PTPRT: variants seen among roughly 807,000 people sequenced by gnomAD.
PTPRT encodes protein tyrosine phosphatase receptor type T.
In PTPRT, 56 loss-of-function variants were observed where a neutral mutation model predicts 176.8. The ratio of observed to expected loss-of-function variants is 0.32; its 90% CI spans 0.26 to 0.40. PTPRT has a LOEUF of 0.40. PTPRT is among the 10% of genes least tolerant of loss of function. PTPRT has a pLI of 1.00. For synonymous variants in PTPRT, 783 were observed against 739.0 expected (o/e 1.06, Z -0.96); for missense variants, 1,540 against 1,908.2 (o/e 0.81, Z 3.60).
intron 9 of PTPRT, among the ~76,000 whole-genome samples, chr20:42,421,452 C>T (rs185121719): frequency 1.2e-4 from 19 of 152,120 alleles, no homozygotes; most frequent in East Asian, 7.8e-4. Flanking sequence ...AACCAGGAGA[C>T]GTTGACAGTC....
intron 1 of PTPRT, among the ~76,000 whole-genome samples, chr20:42,949,465 G>A (rs751815710): frequency 2.6e-5 from 4 of 152,224 alleles, no homozygotes; most frequent in African/African-American, 4.8e-5. Context: ...CAGCCCTGGT[G>A]CTAGTCATGT....
At chr20:42,522,834 G>C (rs1037841858) in intron 7 of PTPRT, among the ~76,000 whole-genome samples, 4 of 152,044 alleles carry the variant, frequency 2.6e-5, no homozygotes, top group African/African-American at 4.8e-5. Context: ...ATATGAAATT[G>C]GTTTCCCTGA....
chr20:42,530,991 C>G (rs1358889863), intron 7 of PTPRT, among the ~76,000 whole-genome samples: 3 of 152,212 alleles, frequency 2.0e-5, no homozygotes, highest in South Asian at 4.1e-4. Context: ...GAGAAGCAAA[C>G]GACATCATCC....
At chr20:42,072,718 T>A (rs1982413316), downstream of PTPRT, 1 of 196,066 alleles carries the variant, frequency 5.1e-6, no homozygotes, top group African/African-American at 2.3e-5. Context: ...CCCCACCTCA[T>A]CCCTACCCAA....
At chr20:42,365,157 T>G (rs1435803499) in intron 9 of PTPRT, among the ~76,000 whole-genome samples, 1 of 152,216 alleles carries the variant, frequency 6.6e-6, no homozygotes, top group African/African-American at 2.4e-5. Flanking sequence ...ATTGAGGATA[T>G]TTTACATTCT....
intron 8 of PTPRT, among the ~76,000 whole-genome samples, chr20:42,470,027 A>T (rs2071166286): frequency 1.3e-5 from 2 of 152,176 alleles, no homozygotes; most frequent in Admixed American, 6.5e-5. Flanking sequence ...GAAAGAAGAA[A>T]ATGAAAATGA....
intron 8 of PTPRT, among the ~76,000 whole-genome samples, chr20:42,454,147 CTCA>C (rs2070881083): frequency 6.6e-6 from 1 of 152,010 alleles, no homozygotes; most frequent in African/African-American, 2.4e-5. Flanking sequence ...GCGTTTGTCA[CTCA>C]TCATTTTCAG....
At chr20:42,086,726 C>CAAAAAAAA (rs367948746) in intron 27 of PTPRT, among the ~76,000 whole-genome samples, 4 of 82,240 alleles carry the variant, frequency 4.9e-5, no homozygotes, top group African/African-American at 1.9e-4. Context: ...GACTCCATCT[C>CAAAAAAAA]AAAAAAAAAA....
intron 8 of PTPRT, among the ~76,000 whole-genome samples, chr20:42,460,284 A>G: frequency 6.6e-6 from 1 of 152,312 alleles, no homozygotes; most frequent in South Asian, 2.1e-4. Context: ...TCAGCAAACT[A>G]TGGCTCTTGG....
chr20:42,560,410 G>T (rs1045139720), intron 7 of PTPRT, among the ~76,000 whole-genome samples: 4 of 152,154 alleles, frequency 2.6e-5, no homozygotes, highest in African/African-American at 7.2e-5. Flanking sequence ...TGTTTGTGAT[G>T]GAGGGTCATC....
intron 15 of PTPRT, among the ~76,000 whole-genome samples, chr20:42,231,251 C>T (rs1448693076): frequency 6.6e-6 from 1 of 152,204 alleles, no homozygotes; most frequent in African/African-American, 2.4e-5. Context: ...GTGCTCCAAG[C>T]ACGTGGTCCA....
At chr20:42,988,167 T>A (rs188861134) in intron 1 of PTPRT, among the ~76,000 whole-genome samples, 1 of 152,282 alleles carries the variant, frequency 6.6e-6, no homozygotes, top group East Asian at 1.9e-4. Context: ...TGTGTCCTGT[T>A]TATCACTGTG....
At chr20:42,814,632 G>A (rs1569171391) in intron 2 of PTPRT, among the ~76,000 whole-genome samples, 1 of 152,140 alleles carries the variant, frequency 6.6e-6, no homozygotes, top group Non-Finnish European at 1.5e-5. Flanking sequence ...TTTTATAAAG[G>A]AAGCAAATGT....
chr20:42,254,823 C>G (rs1298992247), intron 13 of PTPRT, among the ~76,000 whole-genome samples: 1 of 152,166 alleles, frequency 6.6e-6, no homozygotes, highest in Non-Finnish European at 1.5e-5. Flanking sequence ...CCTTGGCTTC[C>G]TGGATGCACA....
intron 7 of PTPRT, among the ~76,000 whole-genome samples, chr20:42,621,047 C>T (rs1431524341): frequency 1.3e-5 from 2 of 152,182 alleles, no homozygotes; most frequent in Admixed American, 6.5e-5. Context: ...GACCCACCCC[C>T]ATGATTCAAT....
intron 11 of PTPRT, among the ~76,000 whole-genome samples, chr20:42,345,580 A>G (rs1268358773): frequency 1.2e-5 from 1 of 86,462 alleles, no homozygotes; most frequent in East Asian, 3.4e-4. Flanking sequence ...ACATACATAT[A>G]TATGTGTGTG....
intron 9 of PTPRT, among the ~76,000 whole-genome samples, chr20:42,383,374 T>C (rs1258476907): frequency 1.3e-5 from 2 of 151,972 alleles, no homozygotes; most frequent in Admixed American, 6.6e-5. Flanking sequence ...CATGGGTTTT[T>C]ATTCTTGCCA....
intron 7 of PTPRT, among the ~76,000 whole-genome samples, chr20:42,647,849 CT>C: frequency 6.6e-6 from 1 of 152,204 alleles, no homozygotes; most frequent in East Asian, 1.9e-4. Flanking sequence ...CTGACTTCTT[CT>C]TTTATCATAA....
chr20:43,044,118 G>A (rs542264582), intron 1 of PTPRT, among the ~76,000 whole-genome samples: 6 of 152,206 alleles, frequency 3.9e-5, no homozygotes, highest in Admixed American at 6.5e-5. Flanking sequence ...CAATCCAGCC[G>A]CCAGCCTGAG....
Sources: allele counts gnomAD v4.1 joint callset (sites outside exome capture counted in the v4.1 genomes callset), GRCh38; gene constraint gnomAD v4.1.1; transcripts MANE v1.5; gene names NCBI Gene and HGNC (gene_info 2026-07-23, HGNC 2026-07-21).